Variants in PYGO1 observed in about 807,000 individuals in gnomAD.
PYGO1 encodes the protein pygopus homolog 1.
A neutral mutation model predicts 29.5 loss-of-function variants in PYGO1; 6 were observed. The observed-to-expected ratio is 0.20, with a 90% CI of 0.11 to 0.40. The LOEUF (loss-of-function observed/expected upper bound fraction) is 0.40, where lower values mean the gene tolerates loss of function less well. PYGO1 is among the 10% of genes least tolerant of loss of function. The pLI, the probability that PYGO1 is intolerant of heterozygous loss-of-function variation, is 1.00. For missense variants in PYGO1, 515 were observed against 514.9 expected (o/e 1.00, Z 0.00); for synonymous variants, 186 against 180.5 (o/e 1.03, Z -0.24).
chr15:55,570,352 T>G (rs917666660), intron 1 of PYGO1, among the ~76,000 whole-genome samples: 1 of 152,218 alleles, frequency 6.6e-6, no homozygotes, highest in Non-Finnish European at 1.5e-5. Flanking sequence ...AGCCTGCTTT[T>G]GTTTTTAAGA....
intron 1 of PYGO1, among the ~76,000 whole-genome samples, chr15:55,573,282 G>A (rs2058987652): frequency 1.3e-5 from 2 of 151,918 alleles, no homozygotes; most frequent in South Asian, 4.2e-4. Flanking sequence ...CTCTAGCCTG[G>A]GCAACAGAGC....
intron 1 of PYGO1, among the ~76,000 whole-genome samples, chr15:55,586,504 A>T (rs756287307): frequency 2.6e-5 from 4 of 152,222 alleles, no homozygotes; most frequent in Non-Finnish European, 5.9e-5. Context: ...TAATTTAAAA[A>T]TGTACTCTTA....
rs375817193 is a variant in PYGO1 at position 55,546,278 on chromosome 15, C to T, written c.1005G>A (p.Ser335=). The part of the protein sequence containing the change: ...SSLHPNRHGH[S]SSDPVYPCGI... ...CACAAGGATACACTGGGTCAGAAGA[C>T]GAATGGCCATGACGGTTTGGGTGAA... Residue 335 remains serine (S), a synonymous_variant, in exon 3 of 3, where the codon TCG becomes TCA. Coordinates refer to ENST00000563719, the MANE Select transcript of PYGO1 (RefSeq NM_001367806.1). 6.8e-6 allele frequency: 11 copies of T among 1,614,178 alleles called. No individual in the cohort carries two copies. The highest frequency in any genetic ancestry group is 3.3e-5 in the South Asian group (3 of 91,084).
At chr15:55,586,425 T>C (rs2059046668) in intron 1 of PYGO1, among the ~76,000 whole-genome samples, 1 of 152,212 alleles carries the variant, frequency 6.6e-6, no homozygotes, top group Admixed American at 6.5e-5. Context: ...GGCCCTCTAA[T>C]ACACAATCAT....
chr15:55,564,626 A>T (rs962964159), intron 1 of PYGO1, among the ~76,000 whole-genome samples: 4 of 152,294 alleles, frequency 2.6e-5, no homozygotes, highest in Middle Eastern at 6.8e-3. Context: ...GTGTCACAAA[A>T]GAGAGAAACA....
At chr15:55,588,777 A>C (rs777133047), upstream of PYGO1, 1 of 1,611,040 alleles carries the variant, frequency 6.2e-7, no homozygotes, top group African/African-American at 1.3e-5. Context: ...TCGGCCTCGC[A>C]GCTAGGGATC....
intron 1 of PYGO1, among the ~76,000 whole-genome samples, chr15:55,556,100 G>C (rs1032590002): frequency 7.9e-5 from 12 of 152,008 alleles, no homozygotes; most frequent in Non-Finnish European, 1.8e-4. Flanking sequence ...AGATTATCGA[G>C]ACACAAAATT....
At chr15:55,571,886 G>A (rs1490809209) in intron 1 of PYGO1, among the ~76,000 whole-genome samples, 1 of 151,526 alleles carries the variant, frequency 6.6e-6, no homozygotes, top group Non-Finnish European at 1.5e-5. Context: ...TTTATTTTGG[G>A]ATAATGTGAG....
intron 1 of PYGO1, among the ~76,000 whole-genome samples, chr15:55,569,701 C>T (rs945802640): frequency 6.6e-6 from 1 of 152,140 alleles, no homozygotes; most frequent in East Asian, 1.9e-4. Flanking sequence ...TTGAGACTTG[C>T]TTTACAGCCA....
At chr15:55,580,136 G>A (rs143558096) in intron 1 of PYGO1, among the ~76,000 whole-genome samples, 333 of 152,270 alleles carry the variant, frequency 2.2e-3, no homozygotes, top group Admixed American at 5.0e-3. Context: ...TTTCATGAAC[G>A]AAGTCAGGCA....
chr15:55,546,345 G>A lies in PYGO1; in HGVS notation c.938C>T (p.Ala313Val), dbSNP rs765815616. The stretch of plus-strand genomic sequence containing the variant: ...TTTTTCTGTGGTGCAGGCATCTGCT[G>A]CACCTCTTGGTTGTCGTGGCTTATT... ...TQNKPRQPRG[A>V]ADACTTEKSN... The change falls in exon 3 of 3, where the codon GCA becomes GTA. Residue 313 changes from alanine to valine, a missense_variant. By Grantham distance (64) the Ala-to-Val change is moderately conservative (BLOSUM62 0). Coordinates refer to ENST00000563719, the MANE Select transcript of PYGO1 (RefSeq NM_001367806.1). 3.1e-6 allele frequency: 5 copies of A among 1,614,196 alleles called. No individual in the cohort carries two copies. The highest frequency in any genetic ancestry group is 3.4e-6 in the Non-Finnish European group (4 of 1,180,042).
intron 1 of PYGO1, among the ~76,000 whole-genome samples, chr15:55,552,566 A>G (rs943152266): frequency 1.3e-5 from 2 of 151,342 alleles, no homozygotes; most frequent in African/African-American, 4.8e-5. Flanking sequence ...CATGGAGCCA[A>G]AAAAAAAGCC....
At chr15:55,549,699 T>C (rs1019141470) in intron 1 of PYGO1, among the ~76,000 whole-genome samples, 61 of 152,200 alleles carry the variant, frequency 4.0e-4, no homozygotes, top group Admixed American at 3.9e-3. Flanking sequence ...TTTCCAAATA[T>C]TGCTTTCTCA....
chr15:55,551,171 C>A (rs1171402051), intron 1 of PYGO1, among the ~76,000 whole-genome samples: 2 of 152,158 alleles, frequency 1.3e-5, no homozygotes, highest in Non-Finnish European at 2.9e-5. Flanking sequence ...GTCCGTGGCC[C>A]AGGGGTTGGG....
chr15:55,586,038 A>G (rs2059044822), intron 1 of PYGO1, among the ~76,000 whole-genome samples: 1 of 152,110 alleles, frequency 6.6e-6, no homozygotes, highest in African/African-American at 2.4e-5. Context: ...ATCATTTTCT[A>G]CCAAAATACT....
At chr15:55,587,042 C>G (rs942236482) in intron 1 of PYGO1, among the ~76,000 whole-genome samples, 3 of 152,216 alleles carry the variant, frequency 2.0e-5, no homozygotes, top group Admixed American at 1.3e-4. Context: ...GCTTAATGAA[C>G]AGTGAGTACT....
chr15:55,554,078 A>G (rs2058892205), intron 1 of PYGO1, among the ~76,000 whole-genome samples: 1 of 152,208 alleles, frequency 6.6e-6, no homozygotes, highest in Non-Finnish European at 1.5e-5. Context: ...AAAAGATGAG[A>G]AAGAATCAAC....
chr15:55,583,090 T>C (rs28651966), intron 1 of PYGO1, among the ~76,000 whole-genome samples: 15,161 of 152,214 alleles, frequency 0.1, 1,076 homozygotes, highest in African/African-American at 0.19. Flanking sequence ...AATTTCTTTC[T>C]TTCTCCATTC....
intron 1 of PYGO1, among the ~76,000 whole-genome samples, chr15:55,573,101 T>C (rs2058986917): frequency 6.6e-6 from 1 of 151,606 alleles, no homozygotes; most frequent in African/African-American, 2.4e-5. Context: ...GGTCAGGAGT[T>C]CGAGACCAGC....
Sources: gnomAD v4.1 joint callset for allele counts (sites outside exome capture counted in the v4.1 genomes callset) on GRCh38, gnomAD v4.1.1 for gene constraint, MANE v1.5 for transcripts, NCBI Gene and HGNC (gene_info 2026-07-23, HGNC 2026-07-21) for gene names.